Variants in KLHL29 observed in about 807,000 individuals in gnomAD.
KLHL29 encodes kelch like family member 29.
In KLHL29, 21 loss-of-function variants were observed where a neutral mutation model predicts 80.4. The ratio of observed to expected loss-of-function variants is 0.26; its 90% confidence interval spans 0.19 to 0.38. The LOEUF is 0.38. Ranked by LOEUF, KLHL29 falls within the 10% of genes least tolerant of loss-of-function variation. The pLI is 1.00. For missense variants in KLHL29, 867 were observed against 1,223.9 expected, an observed-to-expected ratio of 0.71 and a Z score of 4.35; for synonymous variants, 511 against 526.8, an observed-to-expected ratio of 0.97 and a Z score of 0.41.
chr2:23,686,627 C>T (rs1671271581), intron 6 of KLHL29, among the ~76,000 whole-genome samples: 1 of 152,052 alleles, frequency 6.6e-6, no homozygotes, highest in Non-Finnish European at 1.5e-5. Flanking sequence ...GGGAGGAGAG[C>T]AGGTCCACAG....
intron 1 of KLHL29, among the ~76,000 whole-genome samples, chr2:23,447,390 C>T (rs920705172): frequency 1.3e-5 from 2 of 152,222 alleles, no homozygotes; most frequent in African/African-American, 4.8e-5. Context: ...CCATTTGCTT[C>T]AGTACCTAGC....
intron 2 of KLHL29, among the ~76,000 whole-genome samples, chr2:23,555,763 T>C (rs1466762832): frequency 1.3e-5 from 2 of 152,136 alleles, no homozygotes; most frequent in African/African-American, 4.8e-5. Context: ...GGGAAAGACC[T>C]TTCTGGCAGG....
At chr2:23,553,734 C>T (rs1237612244) in intron 2 of KLHL29, among the ~76,000 whole-genome samples, 2 of 152,238 alleles carry the variant, frequency 1.3e-5, no homozygotes, top group Non-Finnish European at 1.5e-5. Flanking sequence ...CCCAGCCCCG[C>T]CATGTGCCCC....
At chr2:23,548,365 GCACACACAGA>G (rs1295084107) in intron 2 of KLHL29, among the ~76,000 whole-genome samples, 7 of 150,764 alleles carry the variant, frequency 4.6e-5, no homozygotes, top group Non-Finnish European at 8.9e-5. Context: ...ACACACACAG[GCACACACAGA>G]CACACAGACA....
intron 2 of KLHL29, among the ~76,000 whole-genome samples, chr2:23,484,925 C>T (rs1423768963): frequency 6.6e-6 from 1 of 152,180 alleles, no homozygotes; most frequent in African/African-American, 2.4e-5. Context: ...AAGCGCCTCT[C>T]CCATCCCTAC....
intron 3 of KLHL29, among the ~76,000 whole-genome samples, chr2:23,631,028 T>G (rs1042442055): frequency 6.6e-6 from 1 of 152,184 alleles, no homozygotes; most frequent in Non-Finnish European, 1.5e-5. Context: ...GGTTTCCACT[T>G]AAAGTATTTA....
intron 1 of KLHL29, among the ~76,000 whole-genome samples, chr2:23,424,630 T>A (rs1033273621): frequency 2.0e-5 from 3 of 152,176 alleles, no homozygotes; most frequent in Admixed American, 1.3e-4. Context: ...CAAGTTCTTA[T>A]ATAGGTCATC....
chr2:23,642,446 A>G lies in KLHL29; in HGVS notation c.536A>G (p.Gln179Arg), dbSNP rs1669795225. 6.6e-7 allele frequency: 1 copy of G among 1,504,190 alleles called. No homozygotes were observed. 93.2% of individuals were successfully genotyped at this position (1,504,190 alleles called of 1,614,324 possible). The stretch of plus-strand genomic sequence containing the variant: ...ACCTTCAGCCCGGCTGTGAACGTCC[A>G]GGCCCCGGTCATTGGGGTGACCCCC... ...PPTFSPAVNVQAPVIGVTPSL... is the reference protein window; with the variant it reads ...PPTFSPAVNVRAPVIGVTPSL... Residue 179 changes from glutamine to arginine, a missense_variant, in exon 5 of 14, where the codon CAG becomes CGG. Coordinates refer to ENST00000486442, the MANE Select transcript of KLHL29 (RefSeq NM_052920.2).
chr2:23,634,762 G>A (rs544244253), intron 3 of KLHL29, among the ~76,000 whole-genome samples: 6 of 152,294 alleles, frequency 3.9e-5, no homozygotes, highest in Middle Eastern at 3.4e-3. Context: ...CCCCCATGAC[G>A]TGGAAACCTC....
chr2:23,442,199 T>A (rs1443800453), intron 1 of KLHL29, among the ~76,000 whole-genome samples: 2 of 152,078 alleles, frequency 1.3e-5, no homozygotes, highest in Non-Finnish European at 2.9e-5. Context: ...CAAGCAATCC[T>A]CCCACCTCAG....
intron 3 of KLHL29, among the ~76,000 whole-genome samples, chr2:23,633,756 CG>C (rs113046150): frequency 0.047 from 6,903 of 147,020 alleles, 189 homozygotes; most frequent in South Asian, 0.083. Context: ...TCACAGCACT[CG>C]TGTGTGTGTG....
chr2:23,466,152 C>T, intron 1 of KLHL29, among the ~76,000 whole-genome samples: 1 of 152,160 alleles, frequency 6.6e-6, no homozygotes, highest in South Asian at 2.1e-4. Context: ...ATTACTTGCA[C>T]CATTTCCGTC....
chr2:23,390,476 C>T (rs972885581), intron 1 of KLHL29, among the ~76,000 whole-genome samples: 12 of 151,984 alleles, frequency 7.9e-5, no homozygotes, highest in Non-Finnish European at 1.5e-4. Flanking sequence ...AGGTTTTTGA[C>T]ATTTTAAAAT....
At chr2:23,427,579 T>C (rs1663037870) in intron 1 of KLHL29, among the ~76,000 whole-genome samples, 1 of 152,194 alleles carries the variant, frequency 6.6e-6, no homozygotes, top group South Asian at 2.1e-4. Flanking sequence ...ACAGCAAAAT[T>C]GCAACCTTTC....
intron 1 of KLHL29, among the ~76,000 whole-genome samples, chr2:23,387,887 A>G (rs1572472607): frequency 6.6e-6 from 1 of 152,320 alleles, no homozygotes; most frequent in East Asian, 1.9e-4. Flanking sequence ...GATGCATCTA[A>G]CCAATTTTAA....
At position 23,647,853 on chromosome 2, in the gene KLHL29, G is replaced by A. The variant is rs763231382; in HGVS notation, c.940+5003G>A. Among the ~76,000 whole-genome samples the A allele has an allele frequency of 9.2e-5, 14 of 152,046 alleles. No individual in the cohort carries two copies. The highest frequency in any genetic ancestry group is 7.2e-4 in the Admixed American group (11 of 15,260). ...CGGTCGAGTGCCTGTGAGACCATTC[G>A]ACTGTGAGCCCCGGGGTCAGGGGCA... On this transcript the variant is annotated intron_variant, in intron 5 of 13. Coordinates refer to ENST00000486442, the MANE Select transcript of KLHL29 (RefSeq NM_052920.2). This position sits in a 1 kb window ranked among gnomAD's most constrained non-coding sequence, Gnocchi z 4.9.
intron 11 of KLHL29, 140 bp from the exon 12 acceptor site, chr2:23,703,046 C>T (rs2149226582): frequency 1.9e-6 from 1 of 520,632 alleles, no homozygotes. Flanking sequence ...ATCGCAGTGC[C>T]CCCCACTGCT....
At chr2:23,400,884 G>T (rs765943005) in intron 1 of KLHL29, among the ~76,000 whole-genome samples, 1 of 152,178 alleles carries the variant, frequency 6.6e-6, no homozygotes, top group African/African-American at 2.4e-5. Context: ...ATAGATCTGG[G>T]CTCAAACACT....
intron 2 of KLHL29, among the ~76,000 whole-genome samples, chr2:23,523,585 T>G (rs187388799): frequency 6.6e-6 from 1 of 152,348 alleles, no homozygotes; most frequent in African/African-American, 2.4e-5. Context: ...TTCCTCGCCT[T>G]GGCTTCACGT....
Sources: gnomAD v4.1 joint callset for allele counts (sites outside exome capture counted in the v4.1 genomes callset) on GRCh38, gnomAD v4.1.1 for gene constraint, Gnocchi (gnomAD v3.1) non-coding constraint, MANE v1.5 for transcripts, NCBI Gene and HGNC (gene_info 2026-07-23, HGNC 2026-07-21) for gene names.